Variants in NBAS observed in about 807,000 individuals in gnomAD.
The protein encoded by NBAS is NBAS subunit of NRZ tethering complex.
A neutral mutation model predicts 302.5 loss-of-function variants in NBAS; 219 were observed. The observed-to-expected ratio is 0.72, with a 90% CI of 0.65 to 0.81. The LOEUF (loss-of-function observed/expected upper bound fraction) is 0.81, where lower values mean the gene tolerates loss of function less well. Ranked by LOEUF, NBAS falls within the 30% of genes least tolerant of loss-of-function variation. The pLI is 0.00. For missense variants in NBAS, 2,932 were observed against 2,841.6 expected, an observed-to-expected ratio of 1.03 and a Z score of -0.72; for synonymous variants, 1,118 against 1,021.6, an observed-to-expected ratio of 1.09 and a Z score of -1.80.
the NBAS span, among the ~76,000 whole-genome samples, chr2:14,906,641 G>A: frequency 2.0e-5 from 3 of 152,156 alleles, no homozygotes; most frequent in African/African-American, 7.2e-5. Context: ...CAGAAGCCCT[G>A]GGGGTGGCAT....
At chr2:15,512,062 T>A (rs1275988052) in intron 9 of NBAS, among the ~76,000 whole-genome samples, 2 of 152,236 alleles carry the variant, frequency 1.3e-5, no homozygotes, top group Non-Finnish European at 2.9e-5. Context: ...CACAGTTATC[T>A]GTCTAAAGAA....
chr2:14,813,924 T>C, the NBAS span, among the ~76,000 whole-genome samples: 1 of 152,180 alleles, frequency 6.6e-6, no homozygotes, highest in Non-Finnish European at 1.5e-5. Flanking sequence ...GGCCCCACTG[T>C]TCGAAGCAGC....
intron 21 of NBAS, among the ~76,000 whole-genome samples, chr2:15,446,573 G>A (rs1363007289): frequency 6.6e-6 from 1 of 152,148 alleles, no homozygotes; most frequent in Non-Finnish European, 1.5e-5. Flanking sequence ...ACTGACACTA[G>A]ATATAAATTG....
intron 33 of NBAS, among the ~76,000 whole-genome samples, chr2:15,354,827 C>T (rs1558264824): frequency 6.6e-6 from 1 of 152,162 alleles, no homozygotes; most frequent in African/African-American, 2.4e-5. Context: ...AGCCAGAATC[C>T]TCAAATTCTC....
At chr2:15,004,844 T>C in the NBAS span, among the ~76,000 whole-genome samples, 6 of 152,038 alleles carry the variant, frequency 3.9e-5, no homozygotes, top group South Asian at 1.0e-3. Context: ...AAAAAGTGTT[T>C]TCAGGGATCA....
chr2:14,859,143 A>G, the NBAS span, among the ~76,000 whole-genome samples: 1 of 152,038 alleles, frequency 6.6e-6, no homozygotes, highest in South Asian at 2.1e-4. Flanking sequence ...TGAAAGATTT[A>G]TATAAGAAAA....
intron 48 of NBAS, among the ~76,000 whole-genome samples, chr2:15,211,784 C>T (rs571473604): frequency 1.8e-4 from 27 of 152,240 alleles, no homozygotes; most frequent in African/African-American, 5.5e-4. Context: ...CAGACCTCAT[C>T]CAGTGACATC....
At chr2:15,059,663 T>C in the NBAS span, among the ~76,000 whole-genome samples, 2 of 152,280 alleles carry the variant, frequency 1.3e-5, no homozygotes, top group South Asian at 4.1e-4. Context: ...TCATAGCAAG[T>C]GTACCCAGAG....
At position 15,308,309 on chromosome 2, in the gene NBAS, T is replaced by C. The variant is rs775508120; in HGVS notation, c.4704A>G (p.Ala1568=). Residue 1568 remains alanine, a synonymous_variant, in exon 40 of 52, where the codon GCA becomes GCG. Transcript: ENST00000281513. ...NRCFEKQSPS[A]LSLQLAAYYY... is the part of the protein sequence containing the mutation. ...AATACGCTGCCAGCTGGAGAGATAA[T>C]GCAGAGGGGGACTGCTTTTCAAAGC... 1.2e-6 allele frequency: 2 copies of C among 1,614,166 alleles called. No homozygotes were observed. Among genetic ancestry groups the C allele is most frequent in the South Asian group, 1.1e-5 (1 of 91,084 alleles).
At chr2:15,301,138 A>G (rs542007321) in intron 40 of NBAS, among the ~76,000 whole-genome samples, 23 of 152,214 alleles carry the variant, frequency 1.5e-4, no homozygotes, top group Middle Eastern at 3.4e-3. Context: ...CACCAAGATC[A>G]CTCATGTCTG....
intron 48 of NBAS, among the ~76,000 whole-genome samples, chr2:15,200,129 G>A (rs1277972748): frequency 1.3e-5 from 2 of 151,814 alleles, no homozygotes; most frequent in East Asian, 3.9e-4. Context: ...GAACTCCTGG[G>A]ATCAAGTAAT....
intron 40 of NBAS, among the ~76,000 whole-genome samples, chr2:15,298,275 T>C (rs1670640810): frequency 6.6e-6 from 1 of 152,192 alleles, no homozygotes; most frequent in South Asian, 2.1e-4. Context: ...CATCAAATAT[T>C]TGTGTATAAA....
the NBAS span, among the ~76,000 whole-genome samples, chr2:15,116,963 C>G: frequency 6.6e-6 from 1 of 152,040 alleles, no homozygotes; most frequent in Non-Finnish European, 1.5e-5. Context: ...TTCTCTTTCT[C>G]TCTCTCATTA....
At chr2:15,454,234 T>G (rs947608492) in intron 21 of NBAS, among the ~76,000 whole-genome samples, 2 of 152,218 alleles carry the variant, frequency 1.3e-5, no homozygotes, top group African/African-American at 4.8e-5. Context: ...AATATAGGAA[T>G]ATAAATGAGT....
At chr2:14,953,479 C>T in the NBAS span, among the ~76,000 whole-genome samples, 110 of 152,244 alleles carry the variant, frequency 7.2e-4, no homozygotes, top group African/African-American at 2.6e-3. Context: ...GTGCAGTCAC[C>T]CAAGGTGTCA....
chr2:14,860,613 A>G, the NBAS span, among the ~76,000 whole-genome samples: 3 of 152,172 alleles, frequency 2.0e-5, no homozygotes, highest in Non-Finnish European at 4.4e-5. Context: ...TCTCACTCAT[A>G]TATGGGAGCT....
intron 44 of NBAS, among the ~76,000 whole-genome samples, chr2:15,248,798 C>T (rs562795960): frequency 6.6e-6 from 1 of 152,244 alleles, no homozygotes; most frequent in Non-Finnish European, 1.5e-5. Context: ...ATAACAAGTT[C>T]TGAAATTGAG....
At position 15,402,129 on chromosome 2, in the gene NBAS, A is replaced by T. The variant is rs200459544; in HGVS notation, c.3071+39T>A. ...ACGTTTTTGTTTTAACTGTTAGAATAAAAAAACACAATAAGACTGGCATAC... is the reference window on the plus strand; with the variant it reads ...ACGTTTTTGTTTTAACTGTTAGAATTAAAAAACACAATAAGACTGGCATAC... On this transcript the variant is annotated intron_variant, in intron 26 of 51. Coordinates refer to ENST00000281513, the MANE Select transcript of NBAS (RefSeq NM_015909.4). 545 of 1,611,194 alleles carry T rather than the reference A, an allele frequency of 3.4e-4. 6 individuals are homozygous for T. In the South Asian group the frequency reaches 5.8e-3, roughly 17 times the overall value.
intron 9 of NBAS, among the ~76,000 whole-genome samples, chr2:15,516,558 A>G (rs1353076986): frequency 6.6e-6 from 1 of 152,112 alleles, no homozygotes; most frequent in Non-Finnish European, 1.5e-5. Context: ...CCCCGTCTCT[A>G]CTAAAATACA....
Sources: gnomAD v4.1 joint callset for allele counts (sites outside exome capture counted in the v4.1 genomes callset) on GRCh38, gnomAD v4.1.1 for gene constraint, MANE v1.5 for transcripts, NCBI Gene and HGNC (gene_info 2026-07-23, HGNC 2026-07-21) for gene names.